KCNC2: variants seen among roughly 807,000 people sequenced by gnomAD.
The protein encoded by KCNC2 is potassium voltage-gated channel subfamily C member 2.
In KCNC2, 21 loss-of-function variants were observed where a neutral mutation model predicts 44.5. The observed-to-expected ratio is 0.47, with a 90% CI of 0.33 to 0.68. KCNC2 has a LOEUF of 0.68. KCNC2 is among the 30% of genes least tolerant of loss of function. The pLI is 0.01. For missense variants in KCNC2, 589 were observed against 826.2 expected (o/e 0.71, Z 3.52); for synonymous variants, 391 against 339.1 (o/e 1.15, Z -1.68).
chr12:75,047,167 A>C (rs11831478), intron 4 of KCNC2, among the ~76,000 whole-genome samples: 4,116 of 152,132 alleles, frequency 0.027, 198 homozygotes, highest in African/African-American at 0.094. Context: ...GAGGAAAAAT[A>C]ACTGTGGCAA....
At chr12:75,163,555 T>A (rs1593003355) in intron 2 of KCNC2, among the ~76,000 whole-genome samples, 1 of 151,756 alleles carries the variant, frequency 6.6e-6, no homozygotes, top group African/African-American at 2.4e-5. Context: ...AGCACACACA[T>A]ATTCCTGTAG....
At chr12:75,043,812 T>A in intron 4 of KCNC2, 1 of 1,464,822 alleles carries the variant, frequency 6.8e-7, no homozygotes, top group Non-Finnish European at 9.1e-7. Context: ...CATTTCTAAT[T>A]CCTTGGGTAA....
chr12:75,067,377 T>C (rs1343847913), intron 2 of KCNC2, among the ~76,000 whole-genome samples: 1 of 152,178 alleles, frequency 6.6e-6, no homozygotes, highest in Non-Finnish European at 1.5e-5. Context: ...TATAATACAT[T>C]ATAGTGTATT....
intron 2 of KCNC2, among the ~76,000 whole-genome samples, chr12:75,118,044 C>T (rs1169432861): frequency 6.6e-6 from 1 of 152,170 alleles, no homozygotes; most frequent in Admixed American, 6.5e-5. Context: ...ACTCATCCTT[C>T]ATTTTTGTAA....
At chr12:75,202,015 T>A (rs1202454023) in intron 2 of KCNC2, among the ~76,000 whole-genome samples, 1 of 151,976 alleles carries the variant, frequency 6.6e-6, no homozygotes, top group Non-Finnish European at 1.5e-5. Context: ...TGACATTTAC[T>A]TTATTTGTCA....
At chr12:75,058,601 C>G (rs1881991602) in intron 2 of KCNC2, among the ~76,000 whole-genome samples, 1 of 152,060 alleles carries the variant, frequency 6.6e-6, no homozygotes, top group Non-Finnish European at 1.5e-5. Flanking sequence ...CCAGAAAAGT[C>G]TGTTTCTTTT....
chr12:75,105,959 T>C (rs1886749051), intron 2 of KCNC2, among the ~76,000 whole-genome samples: 2 of 151,202 alleles, frequency 1.3e-5, no homozygotes, highest in African/African-American at 2.4e-5. Flanking sequence ...GAGAGAGAGA[T>C]TGAGAGAGAC....
At chr12:75,183,176 A>G (rs1892717371) in intron 2 of KCNC2, among the ~76,000 whole-genome samples, 1 of 152,232 alleles carries the variant, frequency 6.6e-6, no homozygotes, top group African/African-American at 2.4e-5. Flanking sequence ...ATTAATTGAA[A>G]GGAGTCACTC....
At chr12:75,132,212 G>T (rs981168676) in intron 2 of KCNC2, among the ~76,000 whole-genome samples, 1 of 151,954 alleles carries the variant, frequency 6.6e-6, no homozygotes, top group Admixed American at 6.6e-5. Context: ...TTTGCATAGT[G>T]CTTGGTATAT....
chr12:75,135,891 G>A (rs975349964), intron 2 of KCNC2, among the ~76,000 whole-genome samples: 3 of 151,868 alleles, frequency 2.0e-5, no homozygotes, highest in African/African-American at 7.3e-5. Flanking sequence ...TTCTAATTTA[G>A]CATGGTTTTC....
At position 75,207,979 on chromosome 12, in the gene KCNC2, C is replaced by T; in HGVS notation, c.5G>A (p.Gly2Asp). Reference sequence around the variant, plus strand: ...CACCCTCTCGTTGTTCTCGATCTTGCCCATCTCTGTGACTCAGACATGACT... The same window carrying T: ...CACCCTCTCGTTGTTCTCGATCTTGTCCATCTCTGTGACTCAGACATGACT... M[G>D]KIENNERVIL... The change falls in exon 2 of 5, where the codon GGC (glycine) becomes GAC (aspartate). Residue 2 changes from glycine (G) to aspartate (D), a missense_variant. Physicochemically the swap from Gly to Asp is moderately conservative, Grantham distance 94. This residue lies in a region of KCNC2 where 148 missense variants were observed against 140.1 expected (regional missense o/e 1.06). Transcript: ENST00000549446. The surrounding 1 kb of genome is among the most constrained non-coding windows in gnomAD (Gnocchi z 4.1). 1 of 1,612,320 alleles carries T rather than the reference C, an allele frequency of 6.2e-7. No homozygotes were observed. The highest frequency in any genetic ancestry group is 8.5e-7 in the Non-Finnish European group (1 of 1,179,776).
intron 2 of KCNC2, among the ~76,000 whole-genome samples, chr12:75,133,467 G>A (rs1246138169): frequency 6.6e-6 from 1 of 150,690 alleles, no homozygotes; most frequent in East Asian, 1.9e-4. Flanking sequence ...AAAACAATTA[G>A]CTACCTATAA....
At chr12:75,046,161 TATG>T in intron 4 of KCNC2, among the ~76,000 whole-genome samples, 1 of 151,812 alleles carries the variant, frequency 6.6e-6, no homozygotes, top group South Asian at 2.1e-4. Context: ...AAGAGTTGAT[TATG>T]ATAAGAAATG....
chr12:75,177,032 TTATATA>T (rs3073537), intron 2 of KCNC2, among the ~76,000 whole-genome samples: 21 of 139,898 alleles, frequency 1.5e-4, no homozygotes, highest in Admixed American at 7.9e-4. Context: ...GCTGCAAGTT[TTATATA>T]TATATATATA....
chr12:75,171,017 C>T (rs113694628), intron 2 of KCNC2, among the ~76,000 whole-genome samples: 5 of 151,620 alleles, frequency 3.3e-5, no homozygotes, highest in African/African-American at 7.3e-5. Context: ...GGCCACTCTT[C>T]GGTCTTAACC....
intron 4 of KCNC2, among the ~76,000 whole-genome samples, chr12:75,045,077 A>G (rs1880329746): frequency 6.6e-6 from 1 of 152,014 alleles, no homozygotes; most frequent in Non-Finnish European, 1.5e-5. Context: ...ATCCTATGCC[A>G]TCGAAGTTGA....
intron 2 of KCNC2, among the ~76,000 whole-genome samples, chr12:75,078,920 A>C (rs191101166): frequency 5.3e-5 from 8 of 152,302 alleles, no homozygotes; most frequent in Admixed American, 3.3e-4. Flanking sequence ...CGGTAGGATA[A>C]ATTCCTTCAG....
At chr12:75,102,617 T>G (rs539353686) in intron 2 of KCNC2, among the ~76,000 whole-genome samples, 1 of 152,224 alleles carries the variant, frequency 6.6e-6, no homozygotes, top group South Asian at 2.1e-4. Context: ...AATTATACAT[T>G]TATCTATGTA....
chr12:75,163,056 C>G (rs1891220988), intron 2 of KCNC2, among the ~76,000 whole-genome samples: 1 of 151,680 alleles, frequency 6.6e-6, no homozygotes, highest in Non-Finnish European at 1.5e-5. Flanking sequence ...CCATGTGAGT[C>G]AGTATTTGCT....
Sources: gnomAD v4.1 joint callset for allele counts (sites outside exome capture counted in the v4.1 genomes callset) on GRCh38, gnomAD v4.1.1 for gene constraint, gnomAD v4.1.1 regional missense constraint, Gnocchi (gnomAD v3.1) non-coding constraint, MANE v1.5 for transcripts, NCBI Gene and HGNC (gene_info 2026-07-23, HGNC 2026-07-21) for gene names.